The following WIPF1 variants were observed in gnomAD, a reference collection of about 807,000 sequenced individuals.
The protein encoded by WIPF1 is WAS/WASL-interacting protein family member 1.
WIPF1 carries 13 observed loss-of-function variants against 35.4 expected under a neutral mutation model. The observed-to-expected ratio is 0.37, with a 90% confidence interval of 0.24 to 0.58. The LOEUF is 0.58. Ranked by LOEUF, WIPF1 falls within the 20% of genes least tolerant of loss-of-function variation. The pLI is 0.74. For synonymous variants in WIPF1, 267 were observed against 266.3 expected, an observed-to-expected ratio of 1.00 and a Z score of -0.02; for missense variants, 591 against 667.0, an observed-to-expected ratio of 0.89 and a Z score of 1.25.
intron 1 of WIPF1, among the ~76,000 whole-genome samples, chr2:174,623,968 C>T (rs1020559379): frequency 3.9e-5 from 6 of 152,104 alleles, no homozygotes; most frequent in Non-Finnish European, 8.8e-5. Flanking sequence ...GGATTCCTCA[C>T]ATACCCCTGG....
intron 1 of WIPF1, among the ~76,000 whole-genome samples, chr2:174,682,266 C>G (rs1202648291): frequency 1.3e-5 from 2 of 152,126 alleles, no homozygotes; most frequent in Non-Finnish European, 2.9e-5. Flanking sequence ...GGGAGGCGGG[C>G]TGGAGCGCGG....
chr2:174,581,434 A>G lies in WIPF1; in HGVS notation c.57T>C (p.Asn19=). 1 of 1,613,672 alleles carries G rather than the reference A, an allele frequency of 6.2e-7. No homozygotes were observed. Among genetic ancestry groups the G allele is most frequent in the Non-Finnish European group, 8.5e-7 (1 of 1,179,816 alleles). Reference sequence around the variant, plus strand: ...TCTTATTCAAGGTAGGCTTCTCTGTATTGGCCTGAAAGGGAGCCATACAAA... The same window carrying G: ...TCTTATTCAAGGTAGGCTTCTCTGTGTTGGCCTGAAAGGGAGCCATACAAA... ...PPPPPTFALA[N]TEKPTLNKTE... Residue 19 remains asparagine (N), a synonymous_variant, in exon 3 of 8, where the codon AAT becomes AAC. Coordinates refer to ENST00000679041, the MANE Select transcript of WIPF1 (RefSeq NM_001375834.1).
chr2:174,671,783 A>G (rs1203601325), intron 1 of WIPF1, among the ~76,000 whole-genome samples: 2 of 150,604 alleles, frequency 1.3e-5, no homozygotes, highest in Non-Finnish European at 2.9e-5. Context: ...ATTTTAGCCT[A>G]GTAAATTTTA....
At chr2:174,658,572 T>C (rs1687693158) in intron 1 of WIPF1, among the ~76,000 whole-genome samples, 1 of 152,046 alleles carries the variant, frequency 6.6e-6, no homozygotes, top group African/African-American at 2.4e-5. Context: ...CTGTAATGAT[T>C]TGCCCAAGTG....
intron 1 of WIPF1, among the ~76,000 whole-genome samples, chr2:174,597,185 G>A (rs1052242033): frequency 6.6e-6 from 1 of 152,278 alleles, no homozygotes; most frequent in African/African-American, 2.4e-5. Context: ...TGGTATTTTC[G>A]TTTGAAGCTT....
At chr2:174,568,509 T>G (rs2288623) in intron 5 of WIPF1, 21,404 of 156,066 alleles carry the variant, frequency 0.14, 2,000 homozygotes, top group African/African-American at 0.26. Flanking sequence ...AAGAACAAAG[T>G]TCTTTAAATG....
intron 7 of WIPF1, among the ~76,000 whole-genome samples, chr2:174,564,303 G>A (rs959032779): frequency 5.3e-5 from 8 of 152,178 alleles, no homozygotes; most frequent in African/African-American, 1.9e-4. Flanking sequence ...TTGGTAGACT[G>A]TGGAAATTAA....
At chr2:174,674,309 G>T (rs959995448) in intron 1 of WIPF1, among the ~76,000 whole-genome samples, 1 of 152,184 alleles carries the variant, frequency 6.6e-6, no homozygotes, top group African/African-American at 2.4e-5. Context: ...TTTGTCTTCA[G>T]ATTTTTGGAT....
intron 7 of WIPF1, 53 bp from the exon 8 acceptor site, chr2:174,562,655 A>G: frequency 1.2e-6 from 2 of 1,604,856 alleles, no homozygotes; most frequent in Non-Finnish European, 1.7e-6. Flanking sequence ...TGATGTTCTC[A>G]TCGTGGAAAC....
chr2:174,563,455 C>A (rs1270234219), intron 7 of WIPF1, among the ~76,000 whole-genome samples: 1 of 152,094 alleles, frequency 6.6e-6, no homozygotes, highest in Non-Finnish European at 1.5e-5. Flanking sequence ...ATAGTCCCAG[C>A]TACCTGGGAG....
intron 1 of WIPF1, among the ~76,000 whole-genome samples, chr2:174,625,302 T>C (rs772874319): frequency 3.3e-5 from 5 of 152,144 alleles, no homozygotes; most frequent in African/African-American, 7.2e-5. Context: ...ACTTCGAGGA[T>C]TGGTTTAGCA....
At chr2:174,581,591 T>A (rs1685243685) in intron 2 of WIPF1, 152 bp from the exon 3 acceptor site, 1 of 942,290 alleles carries the variant, frequency 1.1e-6, no homozygotes, top group African/African-American at 1.7e-5. Flanking sequence ...CCCCATATCT[T>A]TCTTTTTAAG....
chr2:174,612,601 A>G (rs1686384717), intron 1 of WIPF1, among the ~76,000 whole-genome samples: 2 of 151,922 alleles, frequency 1.3e-5, no homozygotes, highest in African/African-American at 2.4e-5. Flanking sequence ...GAATCTTGAT[A>G]CATACGATTA....
At chr2:174,624,320 G>A (rs1326500506) in intron 1 of WIPF1, among the ~76,000 whole-genome samples, 1 of 152,092 alleles carries the variant, frequency 6.6e-6, no homozygotes, top group Non-Finnish European at 1.5e-5. Flanking sequence ...TTAAACTTGG[G>A]GCCCTCTGAA....
At chr2:174,642,490 G>A (rs565878003) in intron 1 of WIPF1, among the ~76,000 whole-genome samples, 170 of 151,512 alleles carry the variant, frequency 1.1e-3, no homozygotes, top group African/African-American at 3.9e-3. Flanking sequence ...GGAACTACAG[G>A]CACCCACCAC....
intron 1 of WIPF1, among the ~76,000 whole-genome samples, chr2:174,665,977 T>G (rs1687883271): frequency 6.6e-6 from 1 of 152,178 alleles, no homozygotes; most frequent in South Asian, 2.1e-4. Flanking sequence ...CCTCTTAAAT[T>G]TTCTCTCTTA....
At chr2:174,575,003 T>C in intron 4 of WIPF1, 1 of 831,346 alleles carries the variant, frequency 1.2e-6, no homozygotes, top group Non-Finnish European at 2.1e-6. Context: ...GGTGAAAATT[T>C]CATAGTTCTG....
intron 1 of WIPF1, among the ~76,000 whole-genome samples, chr2:174,640,361 AG>A: frequency 2.2e-5 from 1 of 44,670 alleles, no homozygotes; most frequent in Non-Finnish European, 3.9e-5. Context: ...GGGTGGGGGG[AG>A]GGGGGAGGGA....
chr2:174,640,860 C>A (rs754087694), intron 1 of WIPF1, among the ~76,000 whole-genome samples: 10 of 152,000 alleles, frequency 6.6e-5, no homozygotes, highest in Non-Finnish European at 1.5e-4. Context: ...TTAATGCAAT[C>A]CCTATCAAAA....
Sources: gnomAD v4.1 joint callset for allele counts (sites outside exome capture counted in the v4.1 genomes callset) on GRCh38, gnomAD v4.1.1 for gene constraint, MANE v1.5 for transcripts, NCBI Gene and HGNC (gene_info 2026-07-23, HGNC 2026-07-21) for gene names.